STAU2: variants seen among roughly 807,000 people sequenced by gnomAD.
The protein encoded by STAU2 is double-stranded RNA-binding protein Staufen homolog 2.
A neutral mutation model predicts 65.9 loss-of-function variants in STAU2; 20 were observed. The ratio of observed to expected loss-of-function variants is 0.30; its 90% confidence interval spans 0.21 to 0.44. The LOEUF (loss-of-function observed/expected upper bound fraction) is 0.44. Ranked by LOEUF, STAU2 falls within the 20% of genes least tolerant of loss-of-function variation. The pLI, the probability that STAU2 is intolerant of heterozygous loss-of-function variation, is 1.00. For missense variants in STAU2, 558 were observed against 683.9 expected (o/e 0.82, Z 2.05); for synonymous variants, 232 against 233.9 (o/e 0.99, Z 0.07).
intron 13 of STAU2, among the ~76,000 whole-genome samples, chr8:73,435,593 G>C (rs991064666): frequency 1.3e-5 from 2 of 151,922 alleles, no homozygotes; most frequent in Admixed American, 1.3e-4. Context: ...GGGATAAAAA[G>C]TCCTAGGAAG....
chr8:73,708,589 A>G lies in STAU2; in HGVS notation c.114+443T>C, dbSNP rs116538415. 5.4e-4 allele frequency among the ~76,000 whole-genome samples: 82 copies of G among 152,310 alleles called. 1 individual carries two copies. The highest frequency in any genetic ancestry group is 1.8e-3 in the African/African-American group (75 of 41,582). ...TGTTAGAATTAAATATCACATTGGA[A>G]AAGATGTCTCACTAGGTAACTGTTG... On this transcript the variant is annotated intron_variant, in intron 4 of 14. Transcript: ENST00000524300.
At chr8:73,498,979 G>A (rs1821589675) in intron 13 of STAU2, among the ~76,000 whole-genome samples, 1 of 151,822 alleles carries the variant, frequency 6.6e-6, no homozygotes, top group African/African-American at 2.4e-5. Flanking sequence ...CCTCCATAAT[G>A]TGGGTGGACC....
Position 73,651,910 on chromosome 8 carries a change from G to A in STAU2, c.410+21197C>T, listed in dbSNP as rs1377019300. Among the ~76,000 whole-genome samples the A allele has an allele frequency of 5.3e-5, 8 of 152,192 alleles. No individual in the cohort carries two copies. The East Asian group carries it at 5.8e-4, about 11-fold the overall frequency. ...GGAGGCACCTCTCACCCTGACCCAC[G>A]CAAAGGTTCTGGAGATTTCTGGAGA... On this transcript the variant is annotated intron_variant, in intron 6 of 14. Transcript: ENST00000524300.
chr8:73,668,183 C>T (rs540682350), intron 6 of STAU2, among the ~76,000 whole-genome samples: 13 of 152,076 alleles, frequency 8.5e-5, no homozygotes, highest in African/African-American at 2.9e-4. Flanking sequence ...AGTCTACAGA[C>T]TATACAGTGT....
intron 5 of STAU2, among the ~76,000 whole-genome samples, chr8:73,682,432 T>C (rs1389627394): frequency 6.6e-6 from 1 of 151,622 alleles, no homozygotes; most frequent in Non-Finnish European, 1.5e-5. Flanking sequence ...TGAATGATAA[T>C]AGTGACACAA....
intron 3 of STAU2, chr8:73,727,995 C>A (rs1407835183): frequency 6.6e-6 from 1 of 152,176 alleles, no homozygotes. Context: ...ATGTGTTTAT[C>A]TTCTCAGAGT....
At chr8:73,664,140 T>C (rs1181435843) in intron 6 of STAU2, among the ~76,000 whole-genome samples, 4 of 152,096 alleles carry the variant, frequency 2.6e-5, no homozygotes, top group Non-Finnish European at 5.9e-5. Context: ...AAGCCTTGAC[T>C]TCCCAGGCCC....
chr8:73,693,937 A>C (rs1454268757), intron 4 of STAU2, among the ~76,000 whole-genome samples: 1 of 152,264 alleles, frequency 6.6e-6, no homozygotes, highest in East Asian at 1.9e-4. Context: ...AAAAATGCAA[A>C]ATCAAACTAC....
chr8:73,591,240 C>T (rs146073167), intron 11 of STAU2, among the ~76,000 whole-genome samples: 2 of 151,608 alleles, frequency 1.3e-5, no homozygotes, highest in East Asian at 1.9e-4. Flanking sequence ...TGTATAGCCA[C>T]AATAGGAGGT....
chr8:73,598,936 ATCT>A (rs1277082171), intron 10 of STAU2, among the ~76,000 whole-genome samples: 2 of 152,144 alleles, frequency 1.3e-5, no homozygotes, highest in South Asian at 2.1e-4. Flanking sequence ...TGATGTGCAA[ATCT>A]TCTACATAGA....
chr8:73,532,068 A>G (rs971768902), intron 13 of STAU2, among the ~76,000 whole-genome samples: 7 of 152,196 alleles, frequency 4.6e-5, no homozygotes, highest in African/African-American at 7.2e-5. Flanking sequence ...ATTCCCAGCC[A>G]TGACAGAAAG....
chr8:73,479,537 C>T (rs911873915), intron 13 of STAU2, among the ~76,000 whole-genome samples: 1 of 148,494 alleles, frequency 6.7e-6, no homozygotes, highest in African/African-American at 2.5e-5. Flanking sequence ...ACTTGTGCTA[C>T]ATGTTAGGCT....
At chr8:73,568,493 C>T (rs1430215232) in intron 12 of STAU2, among the ~76,000 whole-genome samples, 2 of 152,090 alleles carry the variant, frequency 1.3e-5, no homozygotes, top group South Asian at 2.1e-4. Context: ...AAATTAGCTA[C>T]TTGAAAGGCT....
intron 4 of STAU2, among the ~76,000 whole-genome samples, chr8:73,701,619 T>C (rs183764732): frequency 6.6e-6 from 1 of 152,268 alleles, no homozygotes; most frequent in African/African-American, 2.4e-5. Context: ...GGTACCCTCA[T>C]ACGTTGTTAG....
intron 5 of STAU2, among the ~76,000 whole-genome samples, chr8:73,686,688 A>C (rs1234809348): frequency 6.6e-6 from 1 of 152,064 alleles, no homozygotes; most frequent in African/African-American, 2.4e-5. Context: ...TCACGGAAGA[A>C]TTTATCAATG....
rs1248761796 is a variant in STAU2 at position 73,433,261 on chromosome 8, A to G, written c.1531-10559T>C. ...TGCTCTGTTGCCAGGCTGGAGTGCA[A>G]TGGTGCAATCTCGGCTCACTGGAAC... On this transcript the variant is annotated intron_variant, in intron 13 of 14. Transcript: ENST00000524300. 2.7e-3 allele frequency among the ~76,000 whole-genome samples: 407 copies of G among 150,388 alleles called. 4 individuals carry two copies. The highest frequency in any genetic ancestry group is 9.5e-3 in the African/African-American group (382 of 40,026).
intron 4 of STAU2, among the ~76,000 whole-genome samples, chr8:73,707,841 G>A (rs919143122): frequency 6.6e-6 from 1 of 151,660 alleles, no homozygotes; most frequent in Non-Finnish European, 1.5e-5. Context: ...TGGAGGCCCA[G>A]TAGAGGAATC....
intron 13 of STAU2, among the ~76,000 whole-genome samples, chr8:73,547,629 G>C (rs2128940866): frequency 6.6e-6 from 1 of 152,116 alleles, no homozygotes; most frequent in East Asian, 1.9e-4. Flanking sequence ...AGGTAGTAGA[G>C]GTCAAATTCA....
intron 5 of STAU2, among the ~76,000 whole-genome samples, chr8:73,676,769 T>A (rs939341223): frequency 2.0e-5 from 3 of 152,150 alleles, no homozygotes; most frequent in African/African-American, 7.2e-5. Context: ...CTAATTTTTG[T>A]ATTTTTAGTA....
Sources: gnomAD v4.1 joint callset for allele counts (sites outside exome capture counted in the v4.1 genomes callset) on GRCh38, gnomAD v4.1.1 for gene constraint, MANE v1.5 for transcripts, NCBI Gene and HGNC (gene_info 2026-07-23, HGNC 2026-07-21) for gene names.